CIBAR1: variants seen among roughly 807,000 people sequenced by gnomAD.
CIBAR1 encodes CBY1-interacting BAR domain-containing protein 1.
Under a neutral mutation model 44.0 loss-of-function variants are expected in CIBAR1, and 25 were observed. The ratio of observed to expected loss-of-function variants is 0.57; its 90% CI spans 0.41 to 0.79. CIBAR1 has a LOEUF of 0.79. CIBAR1 is among the 30% of genes least tolerant of loss of function. The pLI is 0.00. For missense variants in CIBAR1, 278 were observed against 344.8 expected, an observed-to-expected ratio of 0.81 and a Z score of 1.53; for synonymous variants, 115 against 119.0, an observed-to-expected ratio of 0.97 and a Z score of 0.22.
At chr8:93,714,979 TC>T (rs779128800) in intron 6 of CIBAR1, among the ~76,000 whole-genome samples, 5 of 152,346 alleles carry the variant, frequency 3.3e-5, no homozygotes, top group African/African-American at 9.6e-5. Flanking sequence ...AGTTTGTGGC[TC>T]CTTTAACCAT....
chr8:93,714,189 A>T (rs2914942), intron 6 of CIBAR1, among the ~76,000 whole-genome samples: 94,702 of 151,960 alleles, frequency 0.62, 30,258 homozygotes, highest in South Asian at 0.72. Flanking sequence ...TCTTTTGTTA[A>T]ACTTCTTCCT....
chr8:93,718,432 CTA>C (rs1405367087), intron 6 of CIBAR1, among the ~76,000 whole-genome samples: 1 of 151,908 alleles, frequency 6.6e-6, no homozygotes, highest in East Asian at 1.9e-4. Context: ...AGAGAACTAA[CTA>C]AAATAAAAAA....
intron 2 of CIBAR1, chr8:93,702,320 A>G: frequency 2.5e-6 from 1 of 399,574 alleles, no homozygotes. Context: ...GTAATAAACA[A>G]GTAACTCTCA....
rs1444491792 is a variant in CIBAR1, at chr8:93,713,071, C to T, written c.543+3196C>T. Reference sequence around the variant, plus strand: ...TTTTCGAGACAGATTCTCGCTCTGTCGCCCAGGCTGGAGTGCAGTGGCGCG... The same window carrying T: ...TTTTCGAGACAGATTCTCGCTCTGTTGCCCAGGCTGGAGTGCAGTGGCGCG... On this transcript the variant is annotated intron_variant, in intron 6 of 8. Coordinates refer to ENST00000518322, the MANE Select transcript of CIBAR1 (RefSeq NM_145269.5). Among the ~76,000 whole-genome samples the T allele has an allele frequency of 1.4e-4, 17 of 121,822 alleles. 1 individual carries two copies. The highest frequency in any genetic ancestry group is 1.9e-4 in the African/African-American group (6 of 31,410). 79.9% of individuals were successfully genotyped at this position (121,822 alleles called of 152,430 possible).
intron 6 of CIBAR1, among the ~76,000 whole-genome samples, chr8:93,710,824 G>C (rs536208519): frequency 7.5e-6 from 1 of 132,974 alleles, no homozygotes; most frequent in Non-Finnish European, 1.6e-5. Context: ...GTGACAGAGC[G>C]AGACTCTGAC....
intron 3 of CIBAR1, among the ~76,000 whole-genome samples, chr8:93,704,073 AAAAG>A (rs1251656632): frequency 1.3e-5 from 2 of 150,366 alleles, no homozygotes; most frequent in Non-Finnish European, 3.0e-5. Context: ...CAAAAAAAAA[AAAAG>A]AAAAGAAATA....
chr8:93,704,278 C>T (rs1417608364), intron 3 of CIBAR1, among the ~76,000 whole-genome samples: 1 of 152,012 alleles, frequency 6.6e-6, no homozygotes, highest in Non-Finnish European at 1.5e-5. Flanking sequence ...TTCTTTAAAG[C>T]GATAGCATTT....
chr8:93,710,964 T>C (rs1810799856), intron 6 of CIBAR1, among the ~76,000 whole-genome samples: 1 of 152,224 alleles, frequency 6.6e-6, no homozygotes, highest in South Asian at 2.1e-4. Flanking sequence ...CATTAATTTT[T>C]ATAGCTTAAT....
At chr8:93,715,402 TTATAAA>T (rs1212575203) in intron 6 of CIBAR1, 1 of 152,200 alleles carries the variant, frequency 6.6e-6, no homozygotes, top group Admixed American at 6.5e-5. Context: ...TTTATTTTTA[TTATAAA>T]TATAAATCAT....
intron 3 of CIBAR1, among the ~76,000 whole-genome samples, chr8:93,704,214 A>G (rs1810486775): frequency 6.6e-6 from 1 of 152,208 alleles, no homozygotes; most frequent in South Asian, 2.1e-4. Flanking sequence ...AAACTTTAAA[A>G]TAATTATGAA....
chr8:93,709,680 G>T, intron 5 of CIBAR1, 91 bp from the exon 6 acceptor site: 1 of 970,694 alleles, frequency 1.0e-6, no homozygotes, highest in Non-Finnish European at 1.6e-6. Flanking sequence ...CAAAAAGCCA[G>T]TACTGCAATG....
Position 93,701,409 on chromosome 8 carries a change from T to A in CIBAR1, c.212T>A (p.Met71Lys), listed in dbSNP as rs1329094491. 1.2e-6 allele frequency: 2 copies of A among 1,613,834 alleles called. No homozygotes were observed. Among genetic ancestry groups the A allele is most frequent in the South Asian group, 2.2e-5 (2 of 91,054 alleles). The change falls in exon 2 of 9, where the codon ATG becomes AAG. Residue 71 changes from methionine to lysine, a missense_variant. Met to Lys is a moderately conservative substitution (Grantham distance 95). Transcript: ENST00000518322. ...TETPHLKLGL[M>K]NFADEFAKLQ... ...ACCCCGCATTTAAAGCTGGGCCTGA[T>A]GAACTTTGCAGATGAGTTTGCCAAA... is the stretch of plus-strand genomic sequence containing the variant.
chr8:93,701,087 C>T, intron 1 of CIBAR1, 137 bp from the exon 2 acceptor site: 7 of 1,483,188 alleles, frequency 4.7e-6, no homozygotes, highest in Non-Finnish European at 6.3e-6. Context: ...CAGTCCGCGC[C>T]GGGAGACGCT....
intron 7 of CIBAR1, chr8:93,719,916 A>G (rs1811183511): frequency 6.6e-6 from 1 of 152,124 alleles, no homozygotes; most frequent in Non-Finnish European, 1.5e-5. Context: ...TTCTGTATTA[A>G]TAAAATATGG....
Position 93,700,632 on chromosome 8 carries a change from C to G in CIBAR1, c.-16C>G. The G allele has an allele frequency of 1.3e-6, 2 of 1,498,988 alleles. No homozygotes were observed. The highest frequency in any genetic ancestry group is 8.9e-7 in the Non-Finnish European group (1 of 1,125,178). The allele number at this position is 1,498,988 out of a possible 1,614,324, so 92.9% of individuals were successfully genotyped here. A position where few individuals can be genotyped will look rare whatever the true frequency, so the allele number is the denominator to read the frequency against. On this transcript the variant is annotated 5_prime_UTR_variant, in exon 1 of 9. Transcript: ENST00000518322. ...CCTTGGGCCCCCGCAAGGTCCCCGGCCGTGCGCGAGGCAGCATGATGAGGC... is the reference window on the plus strand; with the variant it reads ...CCTTGGGCCCCCGCAAGGTCCCCGGGCGTGCGCGAGGCAGCATGATGAGGC...
intron 7 of CIBAR1, 78 bp from the exon 8 acceptor site, chr8:93,726,316 C>T: frequency 1.6e-6 from 2 of 1,220,760 alleles, no homozygotes; most frequent in Non-Finnish European, 2.2e-6. Context: ...AAAAAAAAAT[C>T]TTAACTAAGG....
At chr8:93,726,097 A>G (rs1563652203) in intron 7 of CIBAR1, 1 of 265,626 alleles carries the variant, frequency 3.8e-6, no homozygotes, top group Non-Finnish European at 7.2e-6. Context: ...ACTAGCTTGC[A>G]TGCTCTTTGA....
chr8:93,708,347 C>T (rs1032554878), intron 5 of CIBAR1, among the ~76,000 whole-genome samples: 7 of 151,998 alleles, frequency 4.6e-5, no homozygotes, highest in African/African-American at 1.7e-4. Flanking sequence ...TTCTAGCAGA[C>T]GAGATGCTTA....
In CIBAR1 at chr8:93,700,744, T is replaced by C. The variant is rs1810305514; in HGVS notation, c.26+71T>C. ...CTGGGGTGAGGGAAGTGGAAGCCTCTGTCCATGGGGCCTCTGCGCCGAATT... is the reference window on the plus strand; with the variant it reads ...CTGGGGTGAGGGAAGTGGAAGCCTCCGTCCATGGGGCCTCTGCGCCGAATT... On this transcript the variant is annotated intron_variant, in intron 1 of 8. Coordinates refer to ENST00000518322, the MANE Select transcript of CIBAR1 (RefSeq NM_145269.5). 8.3e-6 allele frequency: 12 copies of C among 1,438,330 alleles called. No homozygotes were observed. In the South Asian group the frequency reaches 1.1e-4, roughly 14 times the overall value. The allele number at this position is 1,438,330 out of a possible 1,614,324, so 89.1% of individuals were successfully genotyped here. A position where few individuals can be genotyped will look rare whatever the true frequency, so the allele number is the denominator to read the frequency against.
Sources: allele counts gnomAD v4.1 joint callset (sites outside exome capture counted in the v4.1 genomes callset), GRCh38; gene constraint gnomAD v4.1.1; transcripts MANE v1.5; gene names NCBI Gene and HGNC (gene_info 2026-07-23, HGNC 2026-07-21).